The following PIGN variants were observed in gnomAD, a reference collection of about 807,000 sequenced individuals.
PIGN encodes the protein phosphatidylinositol glycan anchor biosynthesis class N, also known as GPI ethanolamine phosphate transferase 1.
PIGN carries 117 observed loss-of-function variants against 125.4 expected under a neutral mutation model. The ratio of observed to expected loss-of-function variants is 0.93; its 90% confidence interval spans 0.80 to 1.09. The LOEUF (loss-of-function observed/expected upper bound fraction) is 1.09. Among genes scored for constraint, PIGN ranks in the 50% least tolerant of loss-of-function variants. PIGN has a pLI of 0.00. For missense variants in PIGN, 1,075 were observed against 1,094.9 expected (o/e 0.98, Z 0.26); for synonymous variants, 392 against 377.8 (o/e 1.04, Z -0.44).
chr18:62,142,474 A>G (rs1599619009), intron 11 of PIGN, among the ~76,000 whole-genome samples: 1 of 152,190 alleles, frequency 6.6e-6, no homozygotes, highest in Non-Finnish European at 1.5e-5. Context: ...ATAAACTGCT[A>G]TTCTGACTTT....
intron 14 of PIGN, among the ~76,000 whole-genome samples, chr18:62,126,020 A>G (rs1369614553): frequency 1.3e-5 from 2 of 152,092 alleles, no homozygotes; most frequent in Admixed American, 6.6e-5. Context: ...TAGTAACCCA[A>G]TTGTATAACA....
rs2034511784 is a variant in PIGN, at chr18:62,103,181, T to A, written c.1860-279A>T. On this transcript the variant is annotated intron_variant, in intron 20 of 30. Coordinates refer to ENST00000640252, the MANE Select transcript of PIGN (RefSeq NM_176787.5). ...AGTATCTCTACCTTGCTTCTATAAT[T>A]TAATTTAAAAAAATTTTAGGCATAT... Among the ~76,000 whole-genome samples the A allele has an allele frequency of 5.3e-5, 8 of 152,282 alleles. No homozygotes were observed. The South Asian group carries it at 1.7e-3, about 32-fold the overall frequency.
At chr18:62,183,409 C>T (rs1225392830) in intron 1 of PIGN, among the ~76,000 whole-genome samples, 1 of 152,148 alleles carries the variant, frequency 6.6e-6, no homozygotes, top group Non-Finnish European at 1.5e-5. Context: ...TCTCACATCA[C>T]TGGCCCCTTC....
At chr18:62,134,161 G>A (rs1339547563) in intron 14 of PIGN, among the ~76,000 whole-genome samples, 6 of 152,076 alleles carry the variant, frequency 3.9e-5, no homozygotes, top group African/African-American at 9.7e-5. Flanking sequence ...TTGGGAGGCC[G>A]AGGTGGGTGG....
Position 62,138,286 on chromosome 18 carries a change from G to T in PIGN, c.1129C>A (p.Gln377Lys). The stretch of plus-strand genomic sequence containing the variant: ...AATGGTAAAGTAACTTCTTTCTTCT[G>T]AGTCATTTTCACCTGGGAACCAAGT... ...ILEQFKVKMT[Q>K]KKEVTLPFLF... The change falls in exon 14 of 31, where the codon CAG (glutamine) becomes AAG (lysine). Residue 377 changes from glutamine (Q) to lysine (K), a missense_variant. Physicochemically the swap from Gln to Lys is moderately conservative, Grantham distance 53. This residue lies in a region of PIGN where 915 missense variants were observed against 908.7 expected (regional missense o/e 1.01). Coordinates refer to ENST00000640252, the MANE Select transcript of PIGN (RefSeq NM_176787.5). 1 of 1,544,636 alleles carries T rather than the reference G, an allele frequency of 6.5e-7. No individual in the cohort carries two copies. Among genetic ancestry groups the T allele is most frequent in the South Asian group, 1.2e-5 (1 of 81,700 alleles).
intron 14 of PIGN, among the ~76,000 whole-genome samples, chr18:62,124,598 C>T (rs2035431357): frequency 6.6e-6 from 1 of 152,166 alleles, no homozygotes; most frequent in South Asian, 2.1e-4. Flanking sequence ...AAATCCACTA[C>T]TTTGAGGACA....
chr18:62,136,962 T>A (rs1243921063), intron 14 of PIGN: 1 of 395,504 alleles, frequency 2.5e-6, no homozygotes, highest in Non-Finnish European at 4.5e-6. Context: ...TGATGGTTAA[T>A]ATTGAGTGTC....
At chr18:62,098,438 A>C (rs2034299746) in intron 22 of PIGN, among the ~76,000 whole-genome samples, 1 of 152,234 alleles carries the variant, frequency 6.6e-6, no homozygotes, top group South Asian at 2.1e-4. Context: ...AAATAAAAAA[A>C]TAAAAAGCAA....
intron 10 of PIGN, among the ~76,000 whole-genome samples, chr18:62,144,746 T>C (rs2036257982): frequency 6.6e-6 from 1 of 152,162 alleles, no homozygotes; most frequent in Non-Finnish European, 1.5e-5. Flanking sequence ...GCAGGTAAAA[T>C]TCATAAAGCT....
chr18:62,109,109 T>C lies in PIGN; in HGVS notation c.1574+725A>G, dbSNP rs562119338. ...GATATCCATGACTAAGTTTAAATTATAGATTACTGGTGTAAAAATAGAAAC... is the reference window on the plus strand; with the variant it reads ...GATATCCATGACTAAGTTTAAATTACAGATTACTGGTGTAAAAATAGAAAC... On this transcript the variant is annotated intron_variant, in intron 17 of 30. Coordinates refer to ENST00000640252, the MANE Select transcript of PIGN (RefSeq NM_176787.5). Among the ~76,000 whole-genome samples, 20 of 152,276 alleles carry C rather than the reference T, an allele frequency of 1.3e-4. No homozygotes were observed. In the South Asian group the frequency reaches 4.2e-3, roughly 32 times the overall value.
At chr18:62,152,991 T>G (rs2036595811) in intron 7 of PIGN, among the ~76,000 whole-genome samples, 1 of 152,082 alleles carries the variant, frequency 6.6e-6, no homozygotes, top group African/African-American at 2.4e-5. Context: ...GTAAAACCCT[T>G]ACCTCACTCT....
At chr18:62,036,580 A>C (rs192764748), downstream of PIGN, among the ~76,000 whole-genome samples, 2 of 152,342 alleles carry the variant, frequency 1.3e-5, no homozygotes, top group African/African-American at 4.8e-5. Flanking sequence ...TTGTTTATGG[A>C]GCAAGGAAAC....
At chr18:62,125,774 T>C (rs1338756179) in intron 14 of PIGN, among the ~76,000 whole-genome samples, 1 of 152,102 alleles carries the variant, frequency 6.6e-6, no homozygotes, top group Non-Finnish European at 1.5e-5. Context: ...GTGTATATTC[T>C]ATTACGAAAA....
rs1049708675 is a variant in PIGN, at chr18:62,185,464, T to G, written c.-236+1380A>C. Among the ~76,000 whole-genome samples the G allele has an allele frequency of 5.2e-4, 79 of 152,286 alleles. 1 individual carries two copies. The highest frequency in any genetic ancestry group is 1.6e-3 in the African/African-American group (68 of 41,572). On this transcript the variant is annotated intron_variant, in intron 1 of 30. Coordinates refer to ENST00000640252, the MANE Select transcript of PIGN (RefSeq NM_176787.5). ...AAAATTTTAAAAACCCAAATCCCCATTCAAATGAAAATTTTAGTTTATTGA... is the reference window on the plus strand; with the variant it reads ...AAAATTTTAAAAACCCAAATCCCCAGTCAAATGAAAATTTTAGTTTATTGA...
intron 11 of PIGN, among the ~76,000 whole-genome samples, chr18:62,141,009 CTTT>C (rs1379853410): frequency 6.6e-6 from 1 of 152,174 alleles, no homozygotes; most frequent in Non-Finnish European, 1.5e-5. Flanking sequence ...GTTGTTCATG[CTTT>C]TTCTATCTTC....
chr18:62,104,592 A>G (rs191151460), intron 20 of PIGN, among the ~76,000 whole-genome samples: 2 of 152,308 alleles, frequency 1.3e-5, no homozygotes, highest in Non-Finnish European at 2.9e-5. Flanking sequence ...CTCTGCTAAT[A>G]AAGTGACTTC....
At chr18:62,153,777 G>A in intron 7 of PIGN, 1 of 152,094 alleles carries the variant, frequency 6.6e-6, no homozygotes, top group East Asian at 1.9e-4. Context: ...TATATACTAA[G>A]GAGTACATTT....
In PIGN at chr18:62,112,937, C is replaced by G. The variant is rs62095333; in HGVS notation, c.1434+197G>C. Reference sequence around the variant, plus strand: ...TTATAGCTTTCTTAAGTTATAGGATCATTATTATCAATATATCTTTTTCTC... The same window carrying G: ...TTATAGCTTTCTTAAGTTATAGGATGATTATTATCAATATATCTTTTTCTC... On this transcript the variant is annotated intron_variant, in intron 16 of 30. Coordinates refer to ENST00000640252, the MANE Select transcript of PIGN (RefSeq NM_176787.5). The G allele has an allele frequency of 0.055, 28,766 of 519,368 alleles. 1,021 individuals are homozygous for G. The highest frequency in any genetic ancestry group is 0.075 in the Non-Finnish European group (22,385 of 297,042). 32.2% of individuals were successfully genotyped at this position (519,368 alleles called of 1,614,324 possible).
intron 30 of PIGN, among the ~76,000 whole-genome samples, chr18:62,058,414 T>C (rs1394417374): frequency 6.6e-6 from 1 of 152,208 alleles, no homozygotes; most frequent in African/African-American, 2.4e-5. Flanking sequence ...ATGCAGTTCA[T>C]GGCCTTTTGC....
Sources: gnomAD v4.1 joint callset for allele counts (sites outside exome capture counted in the v4.1 genomes callset) on GRCh38, gnomAD v4.1.1 for gene constraint, gnomAD v4.1.1 regional missense constraint, MANE v1.5 for transcripts, NCBI Gene and HGNC (gene_info 2026-07-23, HGNC 2026-07-21) for gene names.